Variants in ABCA13 observed in about 807,000 individuals in gnomAD.
ABCA13 encodes ATP-binding cassette sub-family A member 13.
Under a neutral mutation model 478.7 loss-of-function variants are expected in ABCA13, and 476 were observed. That is an observed-to-expected ratio of 0.99 (90% confidence interval 0.92 to 1.07). ABCA13 has a LOEUF of 1.07. Among genes scored for constraint, ABCA13 ranks in the 50% least tolerant of loss-of-function variants. The pLI, the probability that ABCA13 is intolerant of heterozygous loss-of-function variation, is 0.00. For synonymous variants in ABCA13, 2,252 were observed against 2,158.9 expected, an observed-to-expected ratio of 1.04 and a Z score of -1.20; for missense variants, 6,060 against 5,910.6, an observed-to-expected ratio of 1.03 and a Z score of -0.83.
Position 48,507,953 on chromosome 7 carries a change from T to C in ABCA13, c.13428T>C (p.Ser4476=), listed in dbSNP as rs2130876153. Residue 4476 remains serine, a synonymous_variant, in exon 50 of 62, where the codon TCT becomes TCC. Coordinates refer to ENST00000435803, the MANE Select transcript of ABCA13 (RefSeq NM_152701.5). ...FSILSASIGS[S]VVRDRVIGAK... ...TCCTGTCTGCATCCATCGGCAGCTC[T>C]GTGGTGAGGGACAGGGTGATTGGAG... The C allele has an allele frequency of 6.2e-7, 1 of 1,613,694 alleles. No homozygotes were observed. The highest frequency in any genetic ancestry group is 8.5e-7 in the Non-Finnish European group (1 of 1,179,774).
intron 51 of ABCA13, 56 bp from the exon 52 acceptor site, chr7:48,516,669 A>G: frequency 6.4e-7 from 1 of 1,562,144 alleles, no homozygotes; most frequent in African/African-American, 1.4e-5. Context: ...TGCCATAGAT[A>G]AAACTACTGT....
At chr7:48,481,935 T>C (rs1296110591) in intron 46 of ABCA13, among the ~76,000 whole-genome samples, 1 of 152,210 alleles carries the variant, frequency 6.6e-6, no homozygotes, top group Non-Finnish European at 1.5e-5. Flanking sequence ...TTCCTTTGCC[T>C]GAATTTTTGC....
rs1161097390 is a variant in ABCA13 at position 48,274,152 on chromosome 7, T to C, written c.4486T>C (p.Ser1496Pro). 1 of 1,609,656 alleles carries C rather than the reference T, an allele frequency of 6.2e-7. No homozygotes were observed. Among genetic ancestry groups the C allele is most frequent in the Non-Finnish European group, 8.5e-7 (1 of 1,177,442 alleles). ...GATTTTATTAGCTCTTTTAAATGAT[T>C]CCACAAAGCAAGTAAGGATGAGTAT... ...FEILLALLNDSTKQVRMSINN... is the reference protein window; with the variant it reads ...FEILLALLNDPTKQVRMSINN... The change falls in exon 17 of 62, where the codon TCC (serine) becomes CCC (proline). Residue 1496 changes from serine (S) to proline (P), a missense_variant. Ser to Pro is a moderately conservative substitution (Grantham distance 74, BLOSUM62 -1). Transcript: ENST00000435803.
chr7:48,454,905 C>T (rs1585394715), intron 42 of ABCA13, 132 bp from the exon 43 acceptor site: 1 of 1,285,428 alleles, frequency 7.8e-7, no homozygotes, highest in Non-Finnish European at 1.0e-6. Context: ...CAAGGGAGTC[C>T]TCATGGGGTG....
rs1222893297 is a variant in ABCA13, at chr7:48,471,572, A to G, written c.12948A>G (p.Pro4316=). 1.9e-6 allele frequency: 3 copies of G among 1,565,134 alleles called. No homozygotes were observed. Among genetic ancestry groups the G allele is most frequent in the Non-Finnish European group, 2.6e-6 (3 of 1,152,672 alleles). The change falls in exon 45 of 62, where the codon CCA becomes CCG. Residue 4316 remains proline (P), a synonymous_variant. Coordinates refer to ENST00000435803, the MANE Select transcript of ABCA13 (RefSeq NM_152701.5). ...SCWRTDPFSH[P]EFQDSCGCLK... is the part of the protein sequence containing the mutation. ...GGCGCACAGATCCCTTTTCTCACCC[A>G]GAATTCCAGGATTCATGTGGCTGCC...
intron 26 of ABCA13, among the ~76,000 whole-genome samples, chr7:48,316,270 C>T (rs1802562781): frequency 6.6e-6 from 1 of 152,016 alleles, no homozygotes; most frequent in South Asian, 2.1e-4. Context: ...TGCACGGGCT[C>T]ATTAAAGACA....
chr7:48,238,014 G>C (rs1012044621), intron 8 of ABCA13, among the ~76,000 whole-genome samples: 4 of 152,224 alleles, frequency 2.6e-5, no homozygotes, highest in Non-Finnish European at 4.4e-5. Context: ...TTTAAATCCT[G>C]ATCCAAAAGG....
chr7:48,293,201 C>T (rs548740642), intron 20 of ABCA13, among the ~76,000 whole-genome samples: 9 of 137,396 alleles, frequency 6.6e-5, no homozygotes, highest in African/African-American at 2.3e-4. Context: ...AGCCCCCCCC[C>T]CGCCACACAC....
At chr7:48,525,298 A>G (rs1585701343) in intron 54 of ABCA13, among the ~76,000 whole-genome samples, 1 of 152,174 alleles carries the variant, frequency 6.6e-6, no homozygotes, top group African/African-American at 2.4e-5. Flanking sequence ...TGGCTATGCA[A>G]TCTTACCCAT....
intron 2 of ABCA13, among the ~76,000 whole-genome samples, chr7:48,193,824 G>C (rs1481062438): frequency 6.6e-6 from 1 of 152,204 alleles, no homozygotes; most frequent in East Asian, 1.9e-4. Flanking sequence ...AAATAGTGAT[G>C]ATGGTGATGA....
At chr7:48,576,675 A>T (rs1002436777) in intron 55 of ABCA13, among the ~76,000 whole-genome samples, 1 of 152,172 alleles carries the variant, frequency 6.6e-6, no homozygotes, top group African/African-American at 2.4e-5. Flanking sequence ...AGGGACTAAG[A>T]GAACTACAAG....
chr7:48,316,305 A>G (rs1802569806), intron 26 of ABCA13, among the ~76,000 whole-genome samples: 1 of 152,226 alleles, frequency 6.6e-6, no homozygotes, highest in Admixed American at 6.5e-5. Context: ...TGTAAAGCTA[A>G]CTTCATAAAA....
At chr7:48,577,957 G>C (rs1788349127) in intron 55 of ABCA13, among the ~76,000 whole-genome samples, 1 of 152,034 alleles carries the variant, frequency 6.6e-6, no homozygotes, top group South Asian at 2.1e-4. Flanking sequence ...TACAACAATA[G>C]AATAAAAGGA....
At chr7:48,376,976 C>T (rs776425908) in intron 35 of ABCA13, among the ~76,000 whole-genome samples, 10 of 152,170 alleles carry the variant, frequency 6.6e-5, no homozygotes, top group South Asian at 2.1e-4. Context: ...AGGGACCAAG[C>T]GCTCAGCCAG....
chr7:48,298,627 A>T (rs1184385002), intron 23 of ABCA13, 140 bp downstream of exon 23: 1 of 1,006,716 alleles, frequency 9.9e-7, no homozygotes, highest in African/African-American at 1.6e-5. Context: ...AAATGATATA[A>T]TTGGAGGCAG....
intron 27 of ABCA13, among the ~76,000 whole-genome samples, chr7:48,324,046 C>T (rs1476893494): frequency 2.0e-5 from 3 of 152,156 alleles, no homozygotes; most frequent in South Asian, 4.1e-4. Flanking sequence ...TAAATTACTT[C>T]GTCTCAGGTA....
Position 48,272,253 on chromosome 7 carries a change from GA to G in ABCA13, c.2591del (p.Asn864MetfsTer4). On this transcript the variant is annotated frameshift_variant, in exon 17 of 62. Transcript: ENST00000435803. LOFTEE classifies it high-confidence loss of function. Reference protein sequence around the residue: ...FFTLLNFSVPENEILSTSFNF... With the variant: ...FFTLLNFSVPXNEILSTSFNF... ...TACACTTTTAAATTTTTCTGTTCCA[GA>G]AAATGAGATTCTGAGTACAAGTTTT... The G allele has an allele frequency of 1.9e-6, 3 of 1,612,694 alleles. No homozygotes were observed. Among genetic ancestry groups the G allele is most frequent in the Non-Finnish European group, 2.5e-6 (3 of 1,179,518 alleles).
intron 41 of ABCA13, among the ~76,000 whole-genome samples, chr7:48,425,957 G>A (rs1396536516): frequency 1.3e-5 from 2 of 151,972 alleles, no homozygotes; most frequent in African/African-American, 4.8e-5. Context: ...TAGCCAGGAT[G>A]GTCTCGATCT....
chr7:48,481,418 T>A (rs1248110589), intron 46 of ABCA13, among the ~76,000 whole-genome samples: 1 of 152,142 alleles, frequency 6.6e-6, no homozygotes, highest in Non-Finnish European at 1.5e-5. Context: ...ACAAAAAAAA[T>A]TCCACATAGA....
Sources: gnomAD v4.1 joint callset for allele counts (sites outside exome capture counted in the v4.1 genomes callset) on GRCh38, gnomAD v4.1.1 for gene constraint, MANE v1.5 for transcripts, NCBI Gene and HGNC (gene_info 2026-07-23, HGNC 2026-07-21) for gene names.